The following TBCK variants were observed in gnomAD, a reference collection of about 807,000 sequenced individuals.
TBCK encodes the protein TBC1 domain containing kinase.
In TBCK, 99 loss-of-function variants were observed where a neutral mutation model predicts 113.4. The observed-to-expected ratio is 0.87, with a 90% CI of 0.74 to 1.03. The LOEUF (loss-of-function observed/expected upper bound fraction) is 1.03. Ranked by LOEUF, TBCK falls within the 50% of genes least tolerant of loss-of-function variation. The pLI is 0.00. For synonymous variants in TBCK, 369 were observed against 370.8 expected, an observed-to-expected ratio of 1.00 and a Z score of 0.05; for missense variants, 1,045 against 1,061.3, an observed-to-expected ratio of 0.98 and a Z score of 0.21.
intron 24 of TBCK, among the ~76,000 whole-genome samples, chr4:106,101,299 A>G (rs1741520621): frequency 6.6e-6 from 1 of 152,146 alleles, no homozygotes; most frequent in South Asian, 2.1e-4. Context: ...ACATGAAGAC[A>G]TTGCTCAGCA....
At chr4:106,090,286 G>A (rs930471455) in intron 25 of TBCK, among the ~76,000 whole-genome samples, 2 of 152,196 alleles carry the variant, frequency 1.3e-5, no homozygotes, top group African/African-American at 2.4e-5. Flanking sequence ...AGCTGTGGCC[G>A]GAGCCTGAGT....
At chr4:106,257,003 T>C (rs186577709) in intron 5 of TBCK, among the ~76,000 whole-genome samples, 1 of 151,790 alleles carries the variant, frequency 6.6e-6, no homozygotes, top group Non-Finnish European at 1.5e-5. Flanking sequence ...CAACTACCAA[T>C]GAGACTTAAA....
intron 19 of TBCK, among the ~76,000 whole-genome samples, chr4:106,216,098 A>G (rs991243927): frequency 1.3e-5 from 2 of 152,234 alleles, no homozygotes; most frequent in African/African-American, 4.8e-5. Flanking sequence ...AAACTGAACA[A>G]CCTCCTCCTG....
chr4:106,208,028 G>A (rs1401108431), intron 20 of TBCK, among the ~76,000 whole-genome samples: 2 of 152,284 alleles, frequency 1.3e-5, no homozygotes, highest in East Asian at 3.9e-4. Context: ...AGGATTGCTA[G>A]TGGCAATGAG....
intron 3 of TBCK, among the ~76,000 whole-genome samples, chr4:106,283,129 G>T (rs895076265): frequency 1.7e-4 from 25 of 151,488 alleles, no homozygotes; most frequent in African/African-American, 6.0e-4. Flanking sequence ...TGTAGCACAT[G>T]ATTAAAAAAA....
At chr4:106,163,945 C>T (rs1750085870) in intron 23 of TBCK, among the ~76,000 whole-genome samples, 1 of 151,976 alleles carries the variant, frequency 6.6e-6, no homozygotes, top group South Asian at 2.1e-4. Context: ...ATATCCTATC[C>T]CCAAATCCAA....
chr4:106,102,633 T>C (rs1418943629), intron 24 of TBCK, among the ~76,000 whole-genome samples: 2 of 145,380 alleles, frequency 1.4e-5, no homozygotes, highest in African/African-American at 2.5e-5. Context: ...TTAAATCTCC[T>C]GGAAGCACAA....
chr4:106,194,938 C>A (rs1366494274), intron 20 of TBCK, among the ~76,000 whole-genome samples, 184 bp from the exon 21 acceptor site: 2 of 152,002 alleles, frequency 1.3e-5, no homozygotes, highest in Non-Finnish European at 2.9e-5. Flanking sequence ...GTTTTAAGTT[C>A]GGCCTAAAGA....
intron 25 of TBCK, among the ~76,000 whole-genome samples, chr4:106,077,462 G>A (rs1206978462): frequency 6.6e-6 from 1 of 152,294 alleles, no homozygotes; most frequent in East Asian, 1.9e-4. Flanking sequence ...TAAAGTAAAG[G>A]AATGGAGAAA....
At chr4:106,132,986 C>T (rs1746133636) in intron 23 of TBCK, among the ~76,000 whole-genome samples, 1 of 152,182 alleles carries the variant, frequency 6.6e-6, no homozygotes, top group South Asian at 2.1e-4. Flanking sequence ...GCAGAAAGGA[C>T]TTGCCTTGTC....
At chr4:106,237,071 T>G (rs1045329457) in intron 12 of TBCK, among the ~76,000 whole-genome samples, 3 of 152,002 alleles carry the variant, frequency 2.0e-5, no homozygotes, top group African/African-American at 7.2e-5. Context: ...CATGATATAT[T>G]TTCCAAACAG....
chr4:106,198,397 C>T (rs570025720), intron 20 of TBCK, among the ~76,000 whole-genome samples: 2 of 152,022 alleles, frequency 1.3e-5, no homozygotes, highest in South Asian at 4.2e-4. Context: ...CACCTTACTA[C>T]TTCCCTACAC....
At chr4:106,308,334 C>T (rs1767763100) in intron 2 of TBCK, among the ~76,000 whole-genome samples, 1 of 152,058 alleles carries the variant, frequency 6.6e-6, no homozygotes, top group Non-Finnish European at 1.5e-5. Flanking sequence ...TATAAAAGAA[C>T]TTAGGAAAAA....
intron 22 of TBCK, among the ~76,000 whole-genome samples, chr4:106,184,792 C>G (rs1752822141): frequency 6.6e-6 from 1 of 152,030 alleles, no homozygotes; most frequent in Non-Finnish European, 1.5e-5. Context: ...TTTTCCTAAG[C>G]ATCTATCATT....
chr4:106,316,646 T>C (rs1768920220), upstream of TBCK: 3 of 1,530,974 alleles, frequency 2.0e-6, no homozygotes, highest in Middle Eastern at 1.8e-4. Context: ...ATTGCGATCG[T>C]AGGGGTCTTC....
chr4:106,100,025 T>C (rs576872454), intron 24 of TBCK, among the ~76,000 whole-genome samples: 7 of 152,334 alleles, frequency 4.6e-5, no homozygotes, highest in African/African-American at 1.4e-4. Flanking sequence ...TTCTATCTCC[T>C]GTAGTTTTCT....
At position 106,044,100 on chromosome 4, in the gene TBCK, G is replaced by T. The variant is rs143163511; in HGVS notation, c.*2470C>A. The T allele has an allele frequency of 1.3e-5, 2 of 152,224 alleles. No individual in the cohort carries two copies. Among genetic ancestry groups the T allele is most frequent in the African/African-American group, 2.4e-5 (1 of 41,554 alleles). The allele number at this position is 152,224 out of a possible 1,614,324, so 9.4% of individuals were successfully genotyped here. Reference sequence around the variant, plus strand: ...AAAGATCAAATGCAAAATCATGACAGAGGGTTGCTACTATTATCTTCTTAC... The same window carrying T: ...AAAGATCAAATGCAAAATCATGACATAGGGTTGCTACTATTATCTTCTTAC... On this transcript the variant is annotated 3_prime_UTR_variant, in exon 26 of 26. Transcript: ENST00000394708.
At chr4:106,256,357 C>A (rs529188179) in intron 5 of TBCK, among the ~76,000 whole-genome samples, 1 of 152,194 alleles carries the variant, frequency 6.6e-6, no homozygotes, top group Non-Finnish European at 1.5e-5. Context: ...CCTCAGCCCC[C>A]CTTCAGACTC....
At chr4:106,056,711 C>T (rs1456466780) in intron 25 of TBCK, among the ~76,000 whole-genome samples, 1 of 151,542 alleles carries the variant, frequency 6.6e-6, no homozygotes, top group African/African-American at 2.4e-5. Context: ...TCAGAAAATC[C>T]TGAGACTTCA....
Sources: gnomAD v4.1 joint callset for allele counts (sites outside exome capture counted in the v4.1 genomes callset) on GRCh38, gnomAD v4.1.1 for gene constraint, MANE v1.5 for transcripts, NCBI Gene and HGNC (gene_info 2026-07-23, HGNC 2026-07-21) for gene names.